TSC22D1: variants seen among roughly 807,000 people sequenced by gnomAD.
TSC22D1 encodes the protein TSC22 domain family protein 1.
Under a neutral mutation model 74.2 loss-of-function variants are expected in TSC22D1, and 9 were observed. The ratio of observed to expected loss-of-function variants is 0.12; its 90% confidence interval spans 0.07 to 0.21. The LOEUF is 0.21. Ranked by LOEUF, TSC22D1 falls within the 10% of genes least tolerant of loss-of-function variation. The pLI is 1.00. For missense variants in TSC22D1, 1,427 were observed against 1,304.7 expected, an observed-to-expected ratio of 1.09 and a Z score of -1.44; for synonymous variants, 586 against 492.5, an observed-to-expected ratio of 1.19 and a Z score of -2.51.
At position 44,574,821 on chromosome 13, in the gene TSC22D1, G is replaced by T; in HGVS notation, c.1254C>A (p.Pro418=). The T allele has an allele frequency of 1.9e-6, 3 of 1,614,058 alleles. No homozygotes were observed. Among genetic ancestry groups the T allele is most frequent in the Non-Finnish European group, 2.5e-6 (3 of 1,180,018 alleles). ...TGCAAGTCCATCTACCTTTTTTAAA[G>T]GGCTCAGAACTAGAATCTAACTTCA... ...RVVKLDSSSE[P]FKKGRWTCTE... The change falls in exon 1 of 3, where the codon CCC becomes CCA. Residue 418 remains proline (P), a synonymous_variant. Coordinates refer to ENST00000458659, the MANE Select transcript of TSC22D1 (RefSeq NM_183422.4).
At chr13:44,489,308 T>G (rs1279518694) in intron 1 of TSC22D1, among the ~76,000 whole-genome samples, 1 of 151,844 alleles carries the variant, frequency 6.6e-6, no homozygotes, top group Non-Finnish European at 1.5e-5. Flanking sequence ...AGGCAAAGAT[T>G]TTTTAAACAG....
At chr13:44,446,737 A>G (rs1875671788) in intron 1 of TSC22D1, among the ~76,000 whole-genome samples, 1 of 148,032 alleles carries the variant, frequency 6.8e-6, no homozygotes, top group Admixed American at 6.8e-5. Context: ...CAGACTGGGA[A>G]GAATGAAAAA....
chr13:44,511,652 T>A (rs1304244554), intron 1 of TSC22D1, among the ~76,000 whole-genome samples: 1 of 133,078 alleles, frequency 7.5e-6, no homozygotes, highest in Non-Finnish European at 1.7e-5. Context: ...ACACACACAC[T>A]TTTTTGTTGT....
At chr13:44,506,705 C>T (rs1481827043) in intron 1 of TSC22D1, among the ~76,000 whole-genome samples, 1 of 152,152 alleles carries the variant, frequency 6.6e-6, no homozygotes, top group Non-Finnish European at 1.5e-5. Context: ...TGTTCTACCA[C>T]TAAAGATTTC....
intron 1 of TSC22D1, among the ~76,000 whole-genome samples, chr13:44,508,890 G>T (rs575139906): frequency 1.3e-5 from 2 of 152,088 alleles, no homozygotes; most frequent in African/African-American, 4.8e-5. Context: ...GTGCTCATGG[G>T]TAAGAACTGA....
chr13:44,536,563 T>C (rs1413269295), intron 1 of TSC22D1, among the ~76,000 whole-genome samples: 1 of 151,906 alleles, frequency 6.6e-6, no homozygotes, highest in Non-Finnish European at 1.5e-5. Context: ...AAAACATTTT[T>C]CATTTCAACA....
intron 1 of TSC22D1, among the ~76,000 whole-genome samples, chr13:44,473,145 T>G (rs997607770): frequency 2.0e-5 from 3 of 152,154 alleles, no homozygotes; most frequent in African/African-American, 7.2e-5. Flanking sequence ...AATATTAAAT[T>G]TATTAAATAA....
chr13:44,491,356 A>G (rs1447414029), intron 1 of TSC22D1, among the ~76,000 whole-genome samples: 1 of 152,160 alleles, frequency 6.6e-6, no homozygotes, highest in African/African-American at 2.4e-5. Flanking sequence ...GATCGAGACC[A>G]TCCTGGCTAA....
chr13:44,558,416 G>C (rs1478391918), intron 1 of TSC22D1, among the ~76,000 whole-genome samples: 1 of 152,112 alleles, frequency 6.6e-6, no homozygotes, highest in East Asian at 1.9e-4. Context: ...TTACAAAAAA[G>C]AGGAGCTAAA....
chr13:44,575,942 C>G lies in TSC22D1; in HGVS notation c.133G>C (p.Gly45Arg). Residue 45 changes from glycine (G) to arginine (R), a missense_variant, in exon 1 of 3, where the codon GGT becomes CGT. Physicochemically the swap from Gly to Arg is moderately radical, Grantham distance 125. This residue lies in a region of TSC22D1 where 1,343 missense variants were observed against 1,191.5 expected (regional missense o/e 1.13). Transcript: ENST00000458659. ...SGSASALNAA[G>R]TGVGSNATSS... ...GTGGCATTACTACCGACGCCGGTAC[C>G]TGCTGCATTGAGAGCAGAGGCGCTG... 2 of 1,611,702 alleles carry G rather than the reference C, an allele frequency of 1.2e-6. No homozygotes were observed. The highest frequency in any genetic ancestry group is 1.7e-6 in the Non-Finnish European group (2 of 1,179,138).
chr13:44,490,246 A>G (rs1878636625), intron 1 of TSC22D1, among the ~76,000 whole-genome samples: 1 of 152,174 alleles, frequency 6.6e-6, no homozygotes, highest in Non-Finnish European at 1.5e-5. Context: ...ATATAATTTC[A>G]TTTATATAAA....
chr13:44,490,377 T>G (rs142000542), intron 1 of TSC22D1, among the ~76,000 whole-genome samples: 2 of 151,100 alleles, frequency 1.3e-5, no homozygotes, highest in African/African-American at 4.9e-5. Context: ...TTTTTTTTCA[T>G]GTAGATGGAG....
At chr13:44,513,759 C>T (rs1346217427) in intron 1 of TSC22D1, among the ~76,000 whole-genome samples, 2 of 152,188 alleles carry the variant, frequency 1.3e-5, no homozygotes, top group African/African-American at 2.4e-5. Flanking sequence ...AATGCTGAAC[C>T]GCAGTAGAGA....
chr13:44,532,512 C>G (rs757231847), intron 1 of TSC22D1, among the ~76,000 whole-genome samples: 3 of 152,228 alleles, frequency 2.0e-5, no homozygotes, highest in African/African-American at 7.2e-5. Flanking sequence ...CTTGCTCTGT[C>G]GCCCAGGCTG....
At chr13:44,444,320 A>AAAAAAAAAAAAAAAAAAAAAAG (rs1875460887) in intron 1 of TSC22D1, among the ~76,000 whole-genome samples, 29 of 126,268 alleles carry the variant, frequency 2.3e-4, no homozygotes, top group Non-Finnish European at 2.9e-4. Flanking sequence ...AAAAGAAAAG[A>AAAAAAAAAAAAAAAAAAAAAAG]AAAAGAAAAA....
At chr13:44,531,257 T>TAAATGTA (rs1463862760) in intron 1 of TSC22D1, among the ~76,000 whole-genome samples, 1 of 152,212 alleles carries the variant, frequency 6.6e-6, no homozygotes, top group Non-Finnish European at 1.5e-5. Context: ...AACTATTCCA[T>TAAATGTA]AAATGTAAAA....
At chr13:44,517,268 T>C (rs1490130139) in intron 1 of TSC22D1, among the ~76,000 whole-genome samples, 1 of 152,130 alleles carries the variant, frequency 6.6e-6, no homozygotes, top group Non-Finnish European at 1.5e-5. Flanking sequence ...TGTGCTCTTA[T>C]GTATGACCAT....
At chr13:44,530,113 T>C (rs1181786393) in intron 1 of TSC22D1, among the ~76,000 whole-genome samples, 2 of 152,062 alleles carry the variant, frequency 1.3e-5, no homozygotes, top group Admixed American at 6.5e-5. Flanking sequence ...GCCAACACGA[T>C]ACCGAAGAAC....
At chr13:44,549,620 C>T (rs1053354770) in intron 1 of TSC22D1, among the ~76,000 whole-genome samples, 2 of 151,754 alleles carry the variant, frequency 1.3e-5, no homozygotes, top group African/African-American at 2.4e-5. Flanking sequence ...AAAAAATTAG[C>T]CAGGCATGGT....
Sources: allele counts gnomAD v4.1 joint callset (sites outside exome capture counted in the v4.1 genomes callset), GRCh38; gene constraint gnomAD v4.1.1; regional missense constraint gnomAD v4.1.1; transcripts MANE v1.5; gene names NCBI Gene and HGNC (gene_info 2026-07-23, HGNC 2026-07-21).